CEP295: variants seen among roughly 807,000 people sequenced by gnomAD.
CEP295 encodes centrosomal protein 295.
A neutral mutation model predicts 291.6 loss-of-function variants in CEP295; 190 were observed. The ratio of observed to expected loss-of-function variants is 0.65; its 90% CI spans 0.58 to 0.73. The LOEUF (loss-of-function observed/expected upper bound fraction) is 0.73, where lower values mean the gene tolerates loss of function less well. CEP295 is among the 30% of genes least tolerant of loss of function. The probability of loss-of-function intolerance (pLI) is 0.00; values close to 1 mark genes in which losing one functional copy is unlikely to be tolerated. For synonymous variants in CEP295, 993 were observed against 1,038.8 expected (o/e 0.96, Z 0.85); for missense variants, 2,863 against 2,949.4 (o/e 0.97, Z 0.68).
At position 93,720,489 on chromosome 11, in the gene CEP295, A is replaced by AAAG. The variant is rs34039567; in HGVS notation, c.5750-822_5750-821insAGA. ...AGTCTGCCTCAAAAAAAAAAAAAAA[A>AAAG]ACTGTCTCTAAAAAAATGAAATAAA... On this transcript the variant is annotated intron_variant, in intron 18 of 29. Coordinates refer to ENST00000325212, the MANE Select transcript of CEP295 (RefSeq NM_033395.2). 2.4e-3 allele frequency among the ~76,000 whole-genome samples: 292 copies of AAAG among 121,302 alleles called. 39 individuals are homozygous for AAAG. In the East Asian group the frequency reaches 0.056, roughly 23 times the overall value. The allele number at this position is 121,302 out of a possible 152,430, so 79.6% of individuals were successfully genotyped here.
rs1954088766 is a variant in CEP295 at position 93,725,740 on chromosome 11, TTCTTC to T, written c.6413_6417del (p.Ser2138Ter). On this transcript the variant is annotated frameshift_variant, in exon 23 of 30. Transcript: ENST00000325212. LOFTEE classifies it high-confidence loss of function. ...CAGCACTGAGGAGGACCAGCATGCA[TTCTTC>T]TCTTAACACAAGTCCGAATCAACAA... 1.3e-6 allele frequency: 2 copies of T among 1,551,758 alleles called. No homozygotes were observed. Among genetic ancestry groups the T allele is most frequent in the Admixed American group, 2.0e-5 (1 of 50,976 alleles).
chr11:93,727,030 G>A lies in CEP295; in HGVS notation c.6554G>A (p.Ser2185Asn), dbSNP rs1954201299. 6 of 1,550,200 alleles carry A rather than the reference G, an allele frequency of 3.9e-6. No homozygotes were observed. The highest frequency in any genetic ancestry group is 4.4e-6 in the Non-Finnish European group (5 of 1,146,468). ...LQPEYSSQEE[S>N]QHADLPSIFS... ...CCAGAATATTCTTCACAGGAGGAGA[G>A]CCAGCATGCTGATCTACCAAGTATT... is the stretch of plus-strand genomic sequence containing the variant. Residue 2185 changes from serine to asparagine, a missense_variant, in exon 24 of 30, where the codon AGC becomes AAC. By Grantham distance (46) the Ser-to-Asn change is conservative (BLOSUM62 1). This residue lies in a region of CEP295 where 2,295 missense variants were observed against 2,335.7 expected (regional missense o/e 0.98). Transcript: ENST00000325212.
intron 12 of CEP295, among the ~76,000 whole-genome samples, chr11:93,693,084 T>C (rs1951665657): frequency 9.1e-6 from 1 of 109,858 alleles, no homozygotes; most frequent in African/African-American, 3.1e-5. Flanking sequence ...GAGACCATCC[T>C]GGCTAACACG....
chr11:93,721,773 G>A (rs1392608110), intron 19 of CEP295, 181 bp from the exon 20 acceptor site: 2 of 728,810 alleles, frequency 2.7e-6, no homozygotes, highest in East Asian at 2.5e-5. Flanking sequence ...GCGTATGTAT[G>A]TCTATGAAAG....
intron 10 of CEP295, among the ~76,000 whole-genome samples, chr11:93,690,078 A>C (rs1951441616): frequency 6.6e-6 from 1 of 152,200 alleles, no homozygotes; most frequent in Non-Finnish European, 1.5e-5. Flanking sequence ...GAAGTCCAAA[A>C]AAGGGAACTC....
intron 6 of CEP295, 34 bp downstream of exon 6, chr11:93,675,700 T>G: frequency 9.2e-7 from 1 of 1,086,632 alleles, no homozygotes; most frequent in Non-Finnish European, 1.3e-6. Context: ...TGCCCTCGCT[T>G]TATTATTTCT....
In CEP295 at chr11:93,729,682, T is replaced by G. The variant is rs1938118341; in HGVS notation, c.7468T>G (p.Phe2490Val). Residue 2490 changes from phenylalanine (F) to valine (V), a missense_variant, in exon 27 of 30, where the codon TTT (phenylalanine) becomes GTT (valine). Phe to Val is a conservative substitution (Grantham distance 50, BLOSUM62 -1). Coordinates refer to ENST00000325212, the MANE Select transcript of CEP295 (RefSeq NM_033395.2). ...QEAFIKRKKS[F>V]MERSHQRQKE... is the part of the protein sequence containing the mutation. Reference sequence around the variant, plus strand: ...AGCATTTATAAAGAGGAAAAAATCATTTATGGAGAGATCCCACCAGAGGCA... The same window carrying G: ...AGCATTTATAAAGAGGAAAAAATCAGTTATGGAGAGATCCCACCAGAGGCA... 2.6e-6 allele frequency: 4 copies of G among 1,550,690 alleles called. No individual in the cohort carries two copies. The highest frequency in any genetic ancestry group is 2.0e-5 in the Admixed American group (1 of 50,926).
chr11:93,726,692 T>G, intron 23 of CEP295: 1 of 259,886 alleles, frequency 3.8e-6, no homozygotes. Context: ...CTCTTTTCTG[T>G]TATTAAAGTC....
intron 22 of CEP295, 88 bp from the exon 23 acceptor site, chr11:93,725,563 A>G: frequency 1.9e-6 from 2 of 1,054,976 alleles, no homozygotes; most frequent in Non-Finnish European, 1.3e-6. Context: ...TAATTAAGGA[A>G]GAGTAATACC....
At chr11:93,729,335 G>T in intron 25 of CEP295, 99 bp from the exon 26 acceptor site, 1 of 778,030 alleles carries the variant, frequency 1.3e-6, no homozygotes, top group Admixed American at 2.2e-5. Context: ...TGAGGCTGCA[G>T]TGAGGTGTGA....
At position 93,698,435 on chromosome 11, in the gene CEP295, G is replaced by T; in HGVS notation, c.3523G>T (p.Val1175Leu). 6.4e-7 allele frequency: 1 copy of T among 1,552,020 alleles called. No homozygotes were observed. Among genetic ancestry groups the T allele is most frequent in the Non-Finnish European group, 8.7e-7 (1 of 1,147,048 alleles). ...CCAAGAACAGTCACAAATACAAAGG[G>T]TAATACTTGGTGCTAAAGAAGGAAC... ...ILQEQSQIQR[V>L]ILGAKEGTQE... is the part of the protein sequence containing the mutation. Residue 1175 changes from valine (V) to leucine (L), a missense_variant, in exon 15 of 30, where the codon GTA becomes TTA. By Grantham distance (32) the Val-to-Leu change is conservative. This residue lies in a region of CEP295 where 2,295 missense variants were observed against 2,335.7 expected (regional missense o/e 0.98). Coordinates refer to ENST00000325212, the MANE Select transcript of CEP295 (RefSeq NM_033395.2).
intron 18 of CEP295, among the ~76,000 whole-genome samples, chr11:93,719,428 C>T (rs1953532247): frequency 6.6e-6 from 1 of 151,970 alleles, no homozygotes; most frequent in South Asian, 2.1e-4. Flanking sequence ...CCACTATGCC[C>T]AGCTAATTTT....
At chr11:93,692,926 T>A (rs1223760027) in intron 12 of CEP295, among the ~76,000 whole-genome samples, 2 of 135,298 alleles carry the variant, frequency 1.5e-5, no homozygotes, top group Non-Finnish European at 3.1e-5. Context: ...TGAGTCAAGA[T>A]CACACCACTG....
intron 18 of CEP295, among the ~76,000 whole-genome samples, chr11:93,715,890 C>T (rs1374589237): frequency 6.6e-6 from 1 of 152,016 alleles, no homozygotes; most frequent in African/African-American, 2.4e-5. Flanking sequence ...TCTTCCCCTT[C>T]TCTCCGCAAG....
At chr11:93,725,599 A>G in intron 22 of CEP295, 52 bp from the exon 23 acceptor site, 1 of 1,364,268 alleles carries the variant, frequency 7.3e-7, no homozygotes, top group South Asian at 1.5e-5. Context: ...TTATTGTTTC[A>G]ATTGTTAATA....
intron 10 of CEP295, among the ~76,000 whole-genome samples, chr11:93,690,876 A>G (rs1403560253): frequency 1.3e-5 from 2 of 151,744 alleles, no homozygotes; most frequent in East Asian, 3.9e-4. Context: ...TTGTTTCTTT[A>G]TCCTCACGGG....
chr11:93,706,914 A>G lies in CEP295; in HGVS notation c.5749+17A>G, dbSNP rs1396987894. 1 of 1,523,292 alleles carries G rather than the reference A, an allele frequency of 6.6e-7. No individual in the cohort carries two copies. The highest frequency in any genetic ancestry group is 8.8e-7 in the Non-Finnish European group (1 of 1,130,522). 94.4% of individuals were successfully genotyped at this position (1,523,292 alleles called of 1,614,324 possible). On this transcript the variant is annotated intron_variant, in intron 18 of 29. Transcript: ENST00000325212. Reference sequence around the variant, plus strand: ...ATGAAGCAGGTGAGAAATAAATGGAAAGTGGAATTGTATGCACAAGGATAT... The same window carrying G: ...ATGAAGCAGGTGAGAAATAAATGGAGAGTGGAATTGTATGCACAAGGATAT...
At chr11:93,701,529 G>A (rs1952155731) in intron 15 of CEP295, among the ~76,000 whole-genome samples, 1 of 152,192 alleles carries the variant, frequency 6.6e-6, no homozygotes, top group African/African-American at 2.4e-5. Flanking sequence ...AAGAAAAGCA[G>A]AGGGAAATAC....
intron 18 of CEP295, among the ~76,000 whole-genome samples, chr11:93,712,450 C>T (rs566939321): frequency 4.0e-5 from 6 of 151,832 alleles, no homozygotes; most frequent in Non-Finnish European, 5.9e-5. Context: ...GACGGGGTTT[C>T]GCCATGTTGG....
Sources: allele counts gnomAD v4.1 joint callset (sites outside exome capture counted in the v4.1 genomes callset), GRCh38; gene constraint gnomAD v4.1.1; regional missense constraint gnomAD v4.1.1; transcripts MANE v1.5; gene names NCBI Gene and HGNC (gene_info 2026-07-23, HGNC 2026-07-21).